Variants in EVI5 observed in about 807,000 individuals in gnomAD.
EVI5 encodes ecotropic viral integration site 5, also known as ecotropic viral integration site 5 protein homolog.
A neutral mutation model predicts 112.0 loss-of-function variants in EVI5; 73 were observed. The ratio of observed to expected loss-of-function variants is 0.65; its 90% CI spans 0.54 to 0.79. The LOEUF (loss-of-function observed/expected upper bound fraction) is 0.79. Among genes scored for constraint, EVI5 ranks in the 30% least tolerant of loss-of-function variants. EVI5 has a pLI of 0.00. For synonymous variants in EVI5, 305 were observed against 319.9 expected (o/e 0.95, Z 0.50); for missense variants, 900 against 968.8 (o/e 0.93, Z 0.94).
chr1:92,720,247 G>A (rs1375438230), intron 2 of EVI5, among the ~76,000 whole-genome samples: 1 of 152,000 alleles, frequency 6.6e-6, no homozygotes, highest in Admixed American at 6.6e-5. Context: ...AACAAAGCTG[G>A]AAGCATCATG....
chr1:92,716,283 T>A (rs1228052216), intron 2 of EVI5, among the ~76,000 whole-genome samples: 1 of 152,070 alleles, frequency 6.6e-6, no homozygotes, highest in Admixed American at 6.5e-5. Flanking sequence ...CAGGCAGCAA[T>A]ATTTGCTGTT....
At chr1:92,729,292 T>C (rs986542530) in intron 2 of EVI5, among the ~76,000 whole-genome samples, 1 of 152,190 alleles carries the variant, frequency 6.6e-6, no homozygotes, top group Non-Finnish European at 1.5e-5. Context: ...TGAACAGAAA[T>C]ACGTTTCAGT....
At chr1:92,579,601 T>C (rs1671623882) in intron 18 of EVI5, among the ~76,000 whole-genome samples, 1 of 152,234 alleles carries the variant, frequency 6.6e-6, no homozygotes, top group African/African-American at 2.4e-5. Context: ...TAGCCATTTT[T>C]CCCCTCTGTA....
chr1:92,572,919 T>C lies in EVI5; in HGVS notation c.2071-9182A>G, dbSNP rs573101551. On this transcript the variant is annotated intron_variant, in intron 18 of 19. Transcript: ENST00000684568. ...AAAAACAGCAGAGCCTTCAGAATCATGATTAGTTGCAAGTTGGAGCCCAAA... is the reference window on the plus strand; with the variant it reads ...AAAAACAGCAGAGCCTTCAGAATCACGATTAGTTGCAAGTTGGAGCCCAAA... Among the ~76,000 whole-genome samples, 14 of 152,236 alleles carry C rather than the reference T, an allele frequency of 9.2e-5. No homozygotes were observed. The East Asian group carries it at 2.7e-3, about 29-fold the overall frequency.
intron 16 of EVI5, among the ~76,000 whole-genome samples, chr1:92,614,404 T>C (rs1215635804): frequency 6.6e-6 from 1 of 152,190 alleles, no homozygotes; most frequent in Non-Finnish European, 1.5e-5. Flanking sequence ...TGATGGTTAA[T>C]ACTAAGTGTC....
intron 6 of EVI5, among the ~76,000 whole-genome samples, chr1:92,696,875 A>T (rs1271249389): frequency 6.6e-6 from 1 of 151,598 alleles, no homozygotes; most frequent in Non-Finnish European, 1.5e-5. Flanking sequence ...CATCTCTACT[A>T]AAAAAATACA....
At chr1:92,723,020 C>T (rs550159285) in intron 2 of EVI5, among the ~76,000 whole-genome samples, 172 of 152,246 alleles carry the variant, frequency 1.1e-3, no homozygotes, top group African/African-American at 4.0e-3. Context: ...GGTCCTATTC[C>T]TGGGGCTCAA....
intron 13 of EVI5, among the ~76,000 whole-genome samples, chr1:92,640,811 G>A (rs778405467): frequency 5.9e-5 from 9 of 152,020 alleles, no homozygotes; most frequent in Non-Finnish European, 1.0e-4. Context: ...TTACAATAGC[G>A]AAGAGTTGGA....
intron 6 of EVI5, among the ~76,000 whole-genome samples, chr1:92,696,779 C>T (rs1032325640): frequency 7.2e-5 from 11 of 152,222 alleles, no homozygotes; most frequent in African/African-American, 2.7e-4. Context: ...TGGCTCACGC[C>T]TGTGATCCCA....
intron 4 of EVI5, 35 bp from the exon 5 acceptor site, chr1:92,702,250 G>C: frequency 1.8e-6 from 2 of 1,125,932 alleles, no homozygotes; most frequent in South Asian, 2.9e-5. Context: ...AAAATACATG[G>C]TAAGTTATAC....
At chr1:92,685,379 A>C (rs1668342549) in intron 9 of EVI5, among the ~76,000 whole-genome samples, 6 of 152,234 alleles carry the variant, frequency 3.9e-5, no homozygotes, top group Admixed American at 3.9e-4. Flanking sequence ...AATGTACCAG[A>C]ATCTCTGGGA....
chr1:92,569,852 CAAAAAAAAAAAAA>C (rs1184172805), intron 18 of EVI5, among the ~76,000 whole-genome samples: 5 of 39,504 alleles, frequency 1.3e-4, no homozygotes, highest in East Asian at 1.3e-3. Flanking sequence ...GACTCCATCT[CAAAAAAAAAAAAA>C]AAAAAAAAAA....
At chr1:92,546,852 T>C (rs1474193763) in intron 19 of EVI5, among the ~76,000 whole-genome samples, 1 of 152,000 alleles carries the variant, frequency 6.6e-6, no homozygotes, top group African/African-American at 2.4e-5. Flanking sequence ...ATAAAGCAAG[T>C]CCTTAGAGAC....
intron 1 of EVI5, among the ~76,000 whole-genome samples, chr1:92,766,229 C>T (rs1437305462): frequency 2.0e-5 from 3 of 151,628 alleles, no homozygotes; most frequent in East Asian, 1.9e-4. Context: ...TGTTCAAGCT[C>T]GCAAGTGAGG....
intron 18 of EVI5, among the ~76,000 whole-genome samples, chr1:92,602,321 T>C (rs993292633): frequency 2.6e-5 from 4 of 152,206 alleles, no homozygotes; most frequent in Non-Finnish European, 5.9e-5. Context: ...ATTTTGTCCA[T>C]AGGGAAAACT....
At chr1:92,766,998 C>T (rs1682733040) in intron 1 of EVI5, among the ~76,000 whole-genome samples, 1 of 148,644 alleles carries the variant, frequency 6.7e-6, no homozygotes, top group Admixed American at 6.9e-5. Context: ...AGGACAATCA[C>T]TGGAACCTGT....
At position 92,628,952 on chromosome 1, in the gene EVI5, T is replaced by C. The variant is rs550788900; in HGVS notation, c.1528-3018A>G. On this transcript the variant is annotated intron_variant, in intron 14 of 19. Coordinates refer to ENST00000684568, the MANE Select transcript of EVI5 (RefSeq NM_001350197.2). ...AGGATGCTGCAGGAAGAAATTACCA[T>C]AGGAAGCATGCTACCTTTCAAATTC... 1.8e-4 allele frequency among the ~76,000 whole-genome samples: 27 copies of C among 152,322 alleles called. No individual in the cohort carries two copies. The South Asian group carries it at 2.9e-3, about 16-fold the overall frequency.
intron 2 of EVI5, among the ~76,000 whole-genome samples, chr1:92,720,049 T>G (rs1674470816): frequency 6.6e-6 from 1 of 152,046 alleles, no homozygotes. Context: ...TGGAAGAACA[T>G]TCCATGCTCA....
At chr1:92,693,664 C>T in intron 9 of EVI5, 138 bp downstream of exon 9, 15 of 570,856 alleles carry the variant, frequency 2.6e-5, no homozygotes, top group Admixed American at 6.2e-5. Context: ...CAGTATATTC[C>T]AACATTAGCT....
Sources: gnomAD v4.1 joint callset for allele counts (sites outside exome capture counted in the v4.1 genomes callset) on GRCh38, gnomAD v4.1.1 for gene constraint, MANE v1.5 for transcripts, NCBI Gene and HGNC (gene_info 2026-07-23, HGNC 2026-07-21) for gene names.